EAF1: variants seen among roughly 807,000 people sequenced by gnomAD.
EAF1 encodes the protein ELL associated factor 1.
A neutral mutation model predicts 26.6 loss-of-function variants in EAF1; 19 were observed. The observed-to-expected ratio is 0.71, with a 90% CI of 0.50 to 1.05. The LOEUF (loss-of-function observed/expected upper bound fraction) is 1.05. Among genes scored for constraint, EAF1 ranks in the 50% least tolerant of loss-of-function variants. The pLI, the probability that EAF1 is intolerant of heterozygous loss-of-function variation, is 0.00. For synonymous variants in EAF1, 102 were observed against 120.6 expected (o/e 0.85, Z 1.01); for missense variants, 260 against 335.5 (o/e 0.78, Z 1.76).
intron 2 of EAF1, 105 bp from the exon 3 acceptor site, chr3:15,431,982 A>C: frequency 1.5e-6 from 2 of 1,306,114 alleles, no homozygotes; most frequent in South Asian, 1.7e-5. Flanking sequence ...TTCTTTTTGA[A>C]TAGCTCTGAT....
chr3:15,432,110 GTTCAAGGGGAACAA>G lies in EAF1; in HGVS notation c.223_236del (p.Phe75ThrfsTer12). On this transcript the variant is annotated frameshift_variant, in exon 3 of 6. Transcript: ENST00000396842. LOFTEE classifies it high-confidence loss of function. ...AGGGATCCACACCACCCATGACTGT[GTTCAAGGGGAACAA>G]ACGGCCTTACCAGAAAGACTGTGTG... 6.2e-7 allele frequency: 1 copy of G among 1,614,116 alleles called. No homozygotes were observed. Among genetic ancestry groups the G allele is most frequent in the Non-Finnish European group, 8.5e-7 (1 of 1,179,996 alleles).
chr3:15,433,294 C>T (rs919658030), intron 3 of EAF1: 3 of 153,002 alleles, frequency 2.0e-5, no homozygotes, highest in African/African-American at 4.9e-5. Flanking sequence ...TGACCTACCC[C>T]GGAGAGTGTG....
At chr3:15,430,802 A>G (rs1300912828) in intron 2 of EAF1, among the ~76,000 whole-genome samples, 1 of 152,228 alleles carries the variant, frequency 6.6e-6, no homozygotes, top group African/African-American at 2.4e-5. Flanking sequence ...ACTAATGACA[A>G]AGCACCAAAG....
At chr3:15,437,151 C>T (rs749360830) in intron 5 of EAF1, among the ~76,000 whole-genome samples, 1 of 151,928 alleles carries the variant, frequency 6.6e-6, no homozygotes, top group Admixed American at 6.5e-5. Flanking sequence ...CTGCCTCGGC[C>T]TCCCAAAGTG....
chr3:15,440,202 A>G lies in EAF1; in HGVS notation c.*1047A>G, dbSNP rs1391443338. On this transcript the variant is annotated 3_prime_UTR_variant, in exon 6 of 6. Coordinates refer to ENST00000396842, the MANE Select transcript of EAF1 (RefSeq NM_033083.7). ...TCTAGATAGAAGTTCTGCAATATGA[A>G]ATGAGCACATTCTTTGATAAGGCGT... 2 of 152,204 alleles carry G rather than the reference A, an allele frequency of 1.3e-5. No homozygotes were observed. The highest frequency in any genetic ancestry group is 2.9e-5 in the Non-Finnish European group (2 of 68,034). 9.4% of individuals were successfully genotyped at this position (152,204 alleles called of 1,614,324 possible).
At chr3:15,431,635 CATG>C (rs1297857728) in intron 2 of EAF1, among the ~76,000 whole-genome samples, 1 of 152,182 alleles carries the variant, frequency 6.6e-6, no homozygotes, top group Admixed American at 6.5e-5. Flanking sequence ...AGATGAGTGA[CATG>C]ATTTATTTAT....
chr3:15,440,978 T>C lies in EAF1; in HGVS notation c.*1823T>C, dbSNP rs1000738639. 2.0e-5 allele frequency: 3 copies of C among 152,644 alleles called. No individual in the cohort carries two copies. The highest frequency in any genetic ancestry group is 2.0e-4 in the Admixed American group (3 of 15,288). 9.5% of individuals were successfully genotyped at this position (152,644 alleles called of 1,614,324 possible). ...CAGGAACTTGAACTAAAAATATCTA[T>C]TTAAGCCTCTCTCTCTTTCTCTCCT... On this transcript the variant is annotated 3_prime_UTR_variant, in exon 6 of 6. Coordinates refer to ENST00000396842, the MANE Select transcript of EAF1 (RefSeq NM_033083.7).
rs751742880 is a variant in EAF1 at position 15,434,429 on chromosome 3, T to C, written c.417T>C (p.Pro139=). The C allele has an allele frequency of 1.9e-6, 3 of 1,614,134 alleles. No homozygotes were observed. In the South Asian group the frequency reaches 3.3e-5, roughly 18 times the overall value. ...CACAGACGTCACAGCCACCACCACC[T>C]CCACCACCTATGCCATTCAGAGCTC... ...RPPQTSQPPP[P]PPPMPFRAPT... is the part of the protein sequence containing the mutation. The change falls in exon 4 of 6, where the codon CCT becomes CCC. Residue 139 remains proline, a synonymous_variant. Transcript: ENST00000396842.
rs2061853124 is a variant in EAF1 at position 15,439,302 on chromosome 3, G to A, written c.*147G>A. 3.1e-6 allele frequency: 2 copies of A among 642,732 alleles called. No homozygotes were observed. The highest frequency in any genetic ancestry group is 2.7e-5 in the South Asian group (1 of 37,570). The allele number at this position is 642,732 out of a possible 1,614,324, so 39.8% of individuals were successfully genotyped here. On this transcript the variant is annotated 3_prime_UTR_variant, in exon 6 of 6. Coordinates refer to ENST00000396842, the MANE Select transcript of EAF1 (RefSeq NM_033083.7). ...GGCTCTGGAACTCTCACATATTCAA[G>A]TCTTTAACTTAGTGGTGATGGGTGA... is the stretch of plus-strand genomic sequence containing the variant.
intron 5 of EAF1, 178 bp from the exon 6 acceptor site, chr3:15,438,931 C>A (rs2061850618): frequency 3.3e-6 from 2 of 607,690 alleles, no homozygotes; most frequent in Non-Finnish European, 2.9e-6. Context: ...TTGTAGATAA[C>A]CAAAAGCACC....
In EAF1 at chr3:15,435,896, G is replaced by A. The variant is rs75755884; in HGVS notation, c.527-446G>A. Among the ~76,000 whole-genome samples the A allele has an allele frequency of 1.3e-3, 193 of 152,272 alleles. 4 individuals carry two copies. The East Asian group carries it at 0.029, about 23-fold the overall frequency. The stretch of plus-strand genomic sequence containing the variant: ...CATTGACTTCTACCTAGGTGTCACT[G>A]CTGGTTAGAGGTAAATCCAAAACAA... On this transcript the variant is annotated intron_variant, in intron 4 of 5. Transcript: ENST00000396842.
intron 1 of EAF1, among the ~76,000 whole-genome samples, chr3:15,429,286 G>A (rs923542878): frequency 6.6e-6 from 1 of 151,846 alleles, no homozygotes; most frequent in African/African-American, 2.4e-5. Context: ...GATAGCTTGA[G>A]CCCAGGAGTT....
At position 15,439,424 on chromosome 3, in the gene EAF1, T is replaced by C; in HGVS notation, c.*269T>C. On this transcript the variant is annotated 3_prime_UTR_variant, in exon 6 of 6. Transcript: ENST00000396842. Reference sequence around the variant, plus strand: ...TATATTTCTATTTAGTTAAAATTGTTAATGAAAAACAGATAAATGTGCCCT... The same window carrying C: ...TATATTTCTATTTAGTTAAAATTGTCAATGAAAAACAGATAAATGTGCCCT... 2.9e-6 allele frequency: 1 copy of C among 346,622 alleles called. No homozygotes were observed. The highest frequency in any genetic ancestry group is 7.1e-5 in the South Asian group (1 of 14,146). 21.5% of individuals were successfully genotyped at this position (346,622 alleles called of 1,614,324 possible).
At position 15,442,522 on chromosome 3, in the gene EAF1, C is replaced by T. The variant is rs770794293; in HGVS notation, c.*3367C>T. The T allele has an allele frequency of 2.0e-5, 3 of 152,246 alleles. No homozygotes were observed. Among genetic ancestry groups the T allele is most frequent in the African/African-American group, 7.3e-5 (3 of 41,326 alleles). The allele number at this position is 152,246 out of a possible 1,614,324, so 9.4% of individuals were successfully genotyped here. ...ATTATGAAGTAGACATGCATGTTTA[C>T]ATTTATGTAAAATATTTGCTGTGTA... On this transcript the variant is annotated 3_prime_UTR_variant, in exon 6 of 6. Transcript: ENST00000396842.
At chr3:15,438,853 T>G (rs2061850229) in intron 5 of EAF1, 2 of 362,576 alleles carry the variant, frequency 5.5e-6, no homozygotes. Flanking sequence ...TGCTATTTAT[T>G]AAACCATTTA....
intron 1 of EAF1, among the ~76,000 whole-genome samples, chr3:15,429,022 G>C (rs2061779912): frequency 6.6e-6 from 1 of 152,184 alleles, no homozygotes; most frequent in African/African-American, 2.4e-5. Context: ...TTGGTGAAGG[G>C]CAATGTGGAA....
At chr3:15,430,487 C>T (rs1185853336) in intron 2 of EAF1, among the ~76,000 whole-genome samples, 1 of 151,466 alleles carries the variant, frequency 6.6e-6, no homozygotes, top group Admixed American at 6.6e-5. Flanking sequence ...GATTATTCGT[C>T]GTTTTCCCCA....
At chr3:15,432,271 G>GA in intron 3 of EAF1, 48 bp downstream of exon 3, 1 of 1,602,610 alleles carries the variant, frequency 6.2e-7, no homozygotes, top group East Asian at 2.2e-5. Context: ...CCAAACCTCT[G>GA]TTATCTATTC....
intron 2 of EAF1, among the ~76,000 whole-genome samples, chr3:15,431,786 T>C (rs1351240210): frequency 3.9e-5 from 6 of 152,250 alleles, no homozygotes; most frequent in Non-Finnish European, 7.3e-5. Flanking sequence ...GTGATAACTC[T>C]GCTTAGTATA....
Sources: gnomAD v4.1 joint callset for allele counts (sites outside exome capture counted in the v4.1 genomes callset) on GRCh38, gnomAD v4.1.1 for gene constraint, MANE v1.5 for transcripts, NCBI Gene and HGNC (gene_info 2026-07-23, HGNC 2026-07-21) for gene names.